Variants in DUOX2 observed in about 807,000 individuals in gnomAD.
DUOX2 encodes the protein dual oxidase 2.
A neutral mutation model predicts 183.3 loss-of-function variants in DUOX2; 185 were observed. That is an observed-to-expected ratio of 1.01 (90% CI 0.90 to 1.14). The LOEUF is 1.14. Ranked by LOEUF, DUOX2 falls within the 50% of genes most tolerant of loss-of-function variation. The pLI, the probability that DUOX2 is intolerant of heterozygous loss-of-function variation, is 0.00. For synonymous variants in DUOX2, 788 were observed against 812.4 expected (o/e 0.97, Z 0.51); for missense variants, 1,999 against 2,022.9 (o/e 0.99, Z 0.23).
Position 45,105,801 on chromosome 15 carries a change from G to A in DUOX2, c.2176C>T (p.Arg726Trp), listed in dbSNP as rs141573582. The stretch of plus-strand genomic sequence containing the variant: ...CATAGCTGCTGCACAAAGGCGCCCC[G>A]TTCCTCTTCAGAACTAAACAGCAGC... ...LVLLFSSEEE[R>W]GAFVQQLWDF... is the part of the protein sequence containing the mutation. Residue 726 changes from arginine (R) to tryptophan (W), a missense_variant, in exon 18 of 34, where the codon CGG becomes TGG. Coordinates refer to ENST00000389039, the MANE Select transcript of DUOX2 (RefSeq NM_001363711.2). 1.9e-4 allele frequency: 300 copies of A among 1,614,046 alleles called. No homozygotes were observed. The highest frequency in any genetic ancestry group is 2.4e-4 in the Non-Finnish European group (285 of 1,180,030).
Position 45,101,951 on chromosome 15 carries a change from G to C in DUOX2, c.2693C>G (p.Ala898Gly), listed in dbSNP as rs1468459774. The change falls in exon 21 of 34, where the codon GCC (alanine) becomes GGC (glycine). Residue 898 changes from alanine to glycine, a missense_variant. Ala to Gly is a moderately conservative substitution (Grantham distance 60). This residue lies in a region of DUOX2 where 1,628 missense variants were observed against 1,608.6 expected (regional missense o/e 1.01). Coordinates refer to ENST00000389039, the MANE Select transcript of DUOX2 (RefSeq NM_001363711.2). ...AGACTCCACCACCTCGGCCAGCTGG[G>C]CCTTGGACAGGCAGTTGTTGGAGAT... ...IEISNNCLSK[A>G]QLAEVVESMF... is the part of the protein sequence containing the mutation. 1.2e-6 allele frequency: 2 copies of C among 1,614,206 alleles called. No individual in the cohort carries two copies. The highest frequency in any genetic ancestry group is 1.7e-6 in the Non-Finnish European group (2 of 1,180,042).
intron 31 of DUOX2, 130 bp from the exon 32 acceptor site, chr15:45,095,221 C>A (rs1001086343): frequency 4.9e-6 from 7 of 1,430,674 alleles, no homozygotes; most frequent in Admixed American, 2.0e-5. Context: ...GACCCACCAG[C>A]CTGATCCCAG....
Position 45,104,295 on chromosome 15 carries a change from A to G in DUOX2, c.2405T>C (p.Leu802Pro). 1 of 1,614,104 alleles carries G rather than the reference A, an allele frequency of 6.2e-7. No individual in the cohort carries two copies. The highest frequency in any genetic ancestry group is 8.5e-7 in the Non-Finnish European group (1 of 1,180,004). Reference sequence around the variant, plus strand: ...CTCGGCCCTGCTCAGCTCGCAGGTCAGGGCCTCCCGCACCTTCTGGGAGGA... The same window carrying G: ...CTCGGCCCTGCTCAGCTCGCAGGTCGGGGCCTCCCGCACCTTCTGGGAGGA... ...LDSSQKVREALTCELSRAEFA... is the reference protein window; with the variant it reads ...LDSSQKVREAPTCELSRAEFA... Residue 802 changes from leucine (L) to proline (P), a missense_variant, in exon 19 of 34, where the codon CTG becomes CCG. Physicochemically the swap from Leu to Pro is moderately conservative, Grantham distance 98. Transcript: ENST00000389039.
rs533888585 is a variant in DUOX2, at chr15:45,111,267, T to C, written c.726A>G (p.Ala242=). ...NGPRGLYAFG[A]ERGNREPFLQ... ...GGAAGGGTTCCCGGTTCCCTCTCTC[T>C]GCCCCGAAGGCTGCATCCGACGTGG... Residue 242 remains alanine (A), a synonymous_variant, in exon 7 of 34, where the codon GCA becomes GCG. Coordinates refer to ENST00000389039, the MANE Select transcript of DUOX2 (RefSeq NM_001363711.2). 6.8e-4 allele frequency: 924 copies of C among 1,368,768 alleles called. 12 individuals carry two copies. The African/African-American group carries it at 0.013, about 19-fold the overall frequency. The allele number at this position is 1,368,768 out of a possible 1,614,324, so 84.8% of individuals were successfully genotyped here. A position where few individuals can be genotyped will look rare whatever the true frequency, so the allele number is the denominator to read the frequency against.
chr15:45,097,998 A>G lies in DUOX2; in HGVS notation c.3565+11T>C, dbSNP rs1893951567. ...TCCTCAGACAGAACCCCCAGGTCCC[A>G]CGTTTCCTACCTGGGACGGTCTGGA... On this transcript the variant is annotated intron_variant, in intron 27 of 33. Coordinates refer to ENST00000389039, the MANE Select transcript of DUOX2 (RefSeq NM_001363711.2). The G allele has an allele frequency of 1.9e-6, 3 of 1,614,002 alleles. No individual in the cohort carries two copies. Among genetic ancestry groups the G allele is most frequent in the Non-Finnish European group, 1.7e-6 (2 of 1,179,864 alleles).
chr15:45,113,212 T>C (rs1894498206), intron 2 of DUOX2, 130 bp downstream of exon 2: 6 of 1,447,104 alleles, frequency 4.1e-6, no homozygotes, highest in Non-Finnish European at 5.7e-6. Context: ...CACTGGGAAG[T>C]TTCCCATCCC....
At chr15:45,098,182 G>T in intron 26 of DUOX2, 124 bp from the exon 27 acceptor site, 1 of 898,114 alleles carries the variant, frequency 1.1e-6, no homozygotes, top group East Asian at 2.6e-5. Context: ...CCACCCAGTT[G>T]GCCAGGGATC....
At chr15:45,111,081 G>A (rs1220944449) in intron 7 of DUOX2, 30 bp downstream of exon 7, 12 of 833,044 alleles carry the variant, frequency 1.4e-5, no homozygotes, top group Non-Finnish European at 2.2e-5. Context: ...CACGCGGAAG[G>A]GAGGACGTCG....
intron 26 of DUOX2, 100 bp downstream of exon 26, chr15:45,099,283 T>G: frequency 9.7e-7 from 1 of 1,031,396 alleles, no homozygotes; most frequent in Non-Finnish European, 1.5e-6. Flanking sequence ...GTGCTGGGAT[T>G]ACAGGCGTGA....
chr15:45,096,229 C>A (rs1395461271), intron 29 of DUOX2, among the ~76,000 whole-genome samples, 169 bp from the exon 30 acceptor site: 1 of 152,016 alleles, frequency 6.6e-6, no homozygotes, highest in Non-Finnish European at 1.5e-5. Context: ...TCTCTGTTTC[C>A]CAGGTAATGC....
Position 45,105,639 on chromosome 15 carries a change from G to A in DUOX2, c.2334+4C>T. On this transcript the variant is annotated splice_donor_region_variant and intron_variant, in intron 18 of 33. Coordinates refer to ENST00000389039, the MANE Select transcript of DUOX2 (RefSeq NM_001363711.2). ...CCATCTCCAAAAGGCACAGGTCATG[G>A]CACCTGAGCAAAAAGGTGTCTGAAG... 1 of 1,614,128 alleles carries A rather than the reference G, an allele frequency of 6.2e-7. No homozygotes were observed.
intron 18 of DUOX2, 145 bp from the exon 19 acceptor site, chr15:45,104,510 C>G: frequency 8.8e-7 from 1 of 1,136,076 alleles, no homozygotes. Context: ...GATATACTGA[C>G]TGGGGCCTCT....
rs1285213871 is a variant in DUOX2 at position 45,111,436 on chromosome 15, C to G, written c.663G>C (p.Met221Ile). 1 of 1,533,056 alleles carries G rather than the reference C, an allele frequency of 6.5e-7. No individual in the cohort carries two copies. The highest frequency in any genetic ancestry group is 8.8e-7 in the Non-Finnish European group (1 of 1,141,892). The allele number at this position is 1,533,056 out of a possible 1,614,324, so 95.0% of individuals were successfully genotyped here. A position where few individuals can be genotyped will look rare whatever the true frequency, so the allele number is the denominator to read the frequency against. ...FPRDSQNPLLMWAAPDPATGQ... is the reference protein window; with the variant it reads ...FPRDSQNPLLIWAAPDPATGQ... ...CGGTGGCGGGGTCGGGCGCCGCCCA[C>G]ATGAGCAGGGGGTTCTGCGAGTCTC... Residue 221 changes from methionine (M) to isoleucine (I), a missense_variant, in exon 6 of 34, where the codon ATG becomes ATC. Met to Ile is a conservative substitution (Grantham distance 10). Around this residue, in one of 3 missense-constraint regions of DUOX2, gnomAD observed 356 missense variants for 356.4 expected, o/e 1.00. Coordinates refer to ENST00000389039, the MANE Select transcript of DUOX2 (RefSeq NM_001363711.2).
intron 4 of DUOX2, 60 bp from the exon 5 acceptor site, chr15:45,112,015 A>G: frequency 6.3e-7 from 1 of 1,586,768 alleles, no homozygotes; most frequent in Non-Finnish European, 8.6e-7. Flanking sequence ...CCCCACGGCC[A>G]GGGCGGCCTC....
rs762212416 is a variant in DUOX2, at chr15:45,112,592, G to A, written c.287C>T (p.Pro96Leu). 18 of 1,613,024 alleles carry A rather than the reference G, an allele frequency of 1.1e-5. No individual in the cohort carries two copies. Among genetic ancestry groups the A allele is most frequent in the East Asian group, 1.1e-4 (5 of 44,852 alleles). The change falls in exon 4 of 34, where the codon CCG becomes CTG. Residue 96 changes from proline (P) to leucine (L), a missense_variant. By Grantham distance (98) the Pro-to-Leu change is moderately conservative. Transcript: ENST00000389039. Reference protein sequence around the residue: ...NAATRGIAGLPSLHNRTVLGV... With the variant: ...NAATRGIAGLLSLHNRTVLGV... ...CAGTACGGTGCGGTTGTGGAGCGACGGCAGGCCGGCTATGCCCCGCGTGGC... is the reference window on the plus strand; with the variant it reads ...CAGTACGGTGCGGTTGTGGAGCGACAGCAGGCCGGCTATGCCCCGCGTGGC...
In DUOX2 at chr15:45,108,028, G is replaced by C. The variant is rs753817499; in HGVS notation, c.1574+19C>G. The C allele has an allele frequency of 6.2e-7, 1 of 1,613,820 alleles. No individual in the cohort carries two copies. Among genetic ancestry groups the C allele is most frequent in the Non-Finnish European group, 8.5e-7 (1 of 1,179,896 alleles). ...CAGGCTGAGGAGCAGTCTGAGGTGGGGGCCCAGGCAAGCCTTACCCATTCC... is the reference window on the plus strand; with the variant it reads ...CAGGCTGAGGAGCAGTCTGAGGTGGCGGCCCAGGCAAGCCTTACCCATTCC... On this transcript the variant is annotated intron_variant, in intron 13 of 33. Coordinates refer to ENST00000389039, the MANE Select transcript of DUOX2 (RefSeq NM_001363711.2).
chr15:45,095,972 G>T lies in DUOX2; in HGVS notation c.3936C>A (p.Thr1312=). The T allele has an allele frequency of 1.2e-6, 2 of 1,614,076 alleles. No homozygotes were observed. The highest frequency in any genetic ancestry group is 1.1e-5 in the South Asian group (1 of 91,062). The change falls in exon 30 of 34, where the codon ACC becomes ACA. Residue 1312 remains threonine, a synonymous_variant. Coordinates refer to ENST00000389039, the MANE Select transcript of DUOX2 (RefSeq NM_001363711.2). Reference sequence around the variant, plus strand: ...TCAGTGTGAAGGGGTGGTACTCGGTGGTCCCCAGAGCCAGGCAGGCGATCC... The same window carrying T: ...TCAGTGTGAAGGGGTGGTACTCGGTTGTCCCCAGAGCCAGGCAGGCGATCC... The part of the protein sequence containing the change: ...WVRIACLALG[T]TEYHPFTLTS...
Position 45,109,516 on chromosome 15 carries a change from GA to G in DUOX2, c.1234+7del. On this transcript the variant is annotated splice_region_variant and intron_variant, in intron 11 of 33. Transcript: ENST00000389039. ...CTTACCATCCACCCCTTCTGGCTCTGAGCTCACCCCTCAGATCTTCAACCAC... is the reference window on the plus strand; with the variant it reads ...CTTACCATCCACCCCTTCTGGCTCTGGCTCACCCCTCAGATCTTCAACCAC... 4.3e-6 allele frequency: 7 copies of G among 1,613,878 alleles called. No individual in the cohort carries two copies. The highest frequency in any genetic ancestry group is 5.9e-6 in the Non-Finnish European group (7 of 1,179,878).
intron 33 of DUOX2, 79 bp downstream of exon 33, chr15:45,094,484 G>C (rs1893847396): frequency 6.4e-7 from 1 of 1,557,810 alleles, no homozygotes; most frequent in Admixed American, 1.9e-5. Flanking sequence ...GCTCAGAACA[G>C]AGTGGCAGGG....
Sources: gnomAD v4.1 joint callset for allele counts (sites outside exome capture counted in the v4.1 genomes callset) on GRCh38, gnomAD v4.1.1 for gene constraint, gnomAD v4.1.1 regional missense constraint, MANE v1.5 for transcripts, NCBI Gene and HGNC (gene_info 2026-07-23, HGNC 2026-07-21) for gene names.